CDC123: variants seen among roughly 807,000 people sequenced by gnomAD.
CDC123 encodes the protein translation initiation factor eIF2 assembly protein.
Under a neutral mutation model 54.4 loss-of-function variants are expected in CDC123, and 37 were observed. That is an observed-to-expected ratio of 0.68 (90% confidence interval 0.52 to 0.89). The LOEUF (loss-of-function observed/expected upper bound fraction) is 0.89, where lower values mean the gene tolerates loss of function less well. Ranked by LOEUF, CDC123 falls within the 40% of genes least tolerant of loss-of-function variation. The pLI is 0.00. For synonymous variants in CDC123, 144 were observed against 136.8 expected (o/e 1.05, Z -0.37); for missense variants, 361 against 412.1 (o/e 0.88, Z 1.07).
chr10:12,248,699 G>C (rs113821372), intron 11 of CDC123, among the ~76,000 whole-genome samples: 2,680 of 152,144 alleles, frequency 0.018, 33 homozygotes, highest in Admixed American at 0.025. Flanking sequence ...CCAGCCACTC[G>C]GGAGGCTGAG....
At chr10:12,249,914 C>G in intron 12 of CDC123, 196 bp downstream of exon 12, 1 of 707,614 alleles carries the variant, frequency 1.4e-6, no homozygotes. Context: ...ATTAGAATGA[C>G]AGAAAATGTT....
At chr10:12,216,281 A>G (rs1440542616) in intron 5 of CDC123, among the ~76,000 whole-genome samples, 1 of 152,226 alleles carries the variant, frequency 6.6e-6, no homozygotes, top group Non-Finnish European at 1.5e-5. Flanking sequence ...CAAGATTTTT[A>G]TAAAAGTTAA....
At chr10:12,221,857 A>C (rs541020755) in intron 6 of CDC123, among the ~76,000 whole-genome samples, 1 of 151,978 alleles carries the variant, frequency 6.6e-6, no homozygotes, top group African/African-American at 2.4e-5. Flanking sequence ...ATGTGGCCCA[A>C]GACAATTCTT....
chr10:12,233,706 A>G (rs1195008155), intron 7 of CDC123, among the ~76,000 whole-genome samples: 1 of 152,076 alleles, frequency 6.6e-6, no homozygotes, highest in Non-Finnish European at 1.5e-5. Flanking sequence ...GTATTTTTTT[A>G]AAAAGCAGAT....
intron 2 of CDC123, among the ~76,000 whole-genome samples, chr10:12,202,624 G>A (rs911047946): frequency 1.3e-5 from 2 of 152,208 alleles, no homozygotes; most frequent in South Asian, 2.1e-4. Context: ...CTGACCAGGC[G>A]GCTAGAAATG....
At chr10:12,202,051 T>C (rs1564432152) in intron 2 of CDC123, among the ~76,000 whole-genome samples, 1 of 152,216 alleles carries the variant, frequency 6.6e-6, no homozygotes, top group African/African-American at 2.4e-5. Context: ...CACAATCTGT[T>C]GAGAATTTTG....
In CDC123 at chr10:12,241,227, A is replaced by G. The variant is rs995499864; in HGVS notation, c.717+2742A>G. Among the ~76,000 whole-genome samples, 8 of 152,072 alleles carry G rather than the reference A, an allele frequency of 5.3e-5. No individual in the cohort carries two copies. In the South Asian group the frequency reaches 8.3e-4, roughly 16 times the overall value. ...GGTCGTTTCTGTGAACCATTGCTTC[A>G]TGTCTTTTTCACTTTTTTCTATTGT... On this transcript the variant is annotated intron_variant, in intron 10 of 12. Transcript: ENST00000281141.
At chr10:12,206,734 G>A (rs145011109) in intron 2 of CDC123, among the ~76,000 whole-genome samples, 37 of 152,170 alleles carry the variant, frequency 2.4e-4, no homozygotes, top group African/African-American at 5.5e-4. Context: ...CAAGGAGGGC[G>A]GATCACAAGG....
Position 12,247,335 on chromosome 10 carries a change from C to T in CDC123, c.846+1058C>T, listed in dbSNP as rs533493889. On this transcript the variant is annotated intron_variant, in intron 11 of 12. Transcript: ENST00000281141. The stretch of plus-strand genomic sequence containing the variant: ...CACCTCCCCCTCAGGACACTGTGTC[C>T]TCCTCTCTCACCTCCCCCTAAGGAC... The T allele has an allele frequency of 2.4e-5, 2 of 84,320 alleles. 1 individual carries two copies. Among genetic ancestry groups the T allele is most frequent in the African/African-American group, 7.8e-5 (2 of 25,522 alleles). The allele number at this position is 84,320 out of a possible 1,614,324, so 5.2% of individuals were successfully genotyped here. A position where few individuals can be genotyped will look rare whatever the true frequency, so the allele number is the denominator to read the frequency against.
chr10:12,223,660 A>C (rs1835766412), intron 6 of CDC123, among the ~76,000 whole-genome samples: 1 of 152,204 alleles, frequency 6.6e-6, no homozygotes, highest in Non-Finnish European at 1.5e-5. Context: ...AAATATACCT[A>C]TTTATAGTAA....
At chr10:12,214,634 G>T (rs920494609) in intron 4 of CDC123, among the ~76,000 whole-genome samples, 3 of 152,208 alleles carry the variant, frequency 2.0e-5, no homozygotes, top group African/African-American at 7.2e-5. Context: ...TCTTGTTTTG[G>T]GGGATATATG....
Position 12,210,340 on chromosome 10 carries a change from T to A in CDC123, c.237+18T>A. 2.5e-6 allele frequency: 4 copies of A among 1,614,072 alleles called. No homozygotes were observed. Among genetic ancestry groups the A allele is most frequent in the Non-Finnish European group, 3.4e-6 (4 of 1,179,976 alleles). On this transcript the variant is annotated intron_variant, in intron 4 of 12. Coordinates refer to ENST00000281141, the MANE Select transcript of CDC123 (RefSeq NM_006023.3). The stretch of plus-strand genomic sequence containing the variant: ...CGCTTACGGTAAGAGCACAGCAGAC[T>A]CAGCGTGGGGACAGCCTCACACTGT...
intron 6 of CDC123, among the ~76,000 whole-genome samples, chr10:12,225,926 G>A (rs1017183861): frequency 4.0e-5 from 6 of 151,842 alleles, no homozygotes; most frequent in Admixed American, 1.3e-4. Flanking sequence ...CAGTGTTTGT[G>A]TCCCTGGGTA....
intron 10 of CDC123, among the ~76,000 whole-genome samples, chr10:12,239,957 G>A (rs1029954957): frequency 1.2e-4 from 18 of 148,114 alleles, no homozygotes; most frequent in Admixed American, 7.4e-4. Context: ...GCAGTGAGCC[G>A]AGATCGCGCC....
At chr10:12,225,558 C>T (rs1050736555) in intron 6 of CDC123, among the ~76,000 whole-genome samples, 18 of 152,078 alleles carry the variant, frequency 1.2e-4, no homozygotes, top group East Asian at 1.9e-4. Context: ...TGAGGTTCAG[C>T]GTGCAGTAAG....
chr10:12,218,268 G>T (rs1564436264), intron 6 of CDC123, among the ~76,000 whole-genome samples: 2 of 135,238 alleles, frequency 1.5e-5, no homozygotes, highest in Admixed American at 7.7e-5. Context: ...TTTTTTTGAG[G>T]CAGGGTCTCA....
At chr10:12,215,953 G>T in intron 5 of CDC123, 118 bp downstream of exon 5, 1 of 579,530 alleles carries the variant, frequency 1.7e-6, no homozygotes, top group South Asian at 3.0e-5. Flanking sequence ...AAATACTGTG[G>T]AATTTATTAT....
At chr10:12,239,736 C>T (rs1397674634) in intron 10 of CDC123, among the ~76,000 whole-genome samples, 3 of 147,866 alleles carry the variant, frequency 2.0e-5, no homozygotes, top group East Asian at 4.0e-4. Context: ...GGGCCGGGCG[C>T]GGTGGCTCAC....
chr10:12,197,277 A>G (rs1248330382), intron 1 of CDC123, among the ~76,000 whole-genome samples: 1 of 152,236 alleles, frequency 6.6e-6, no homozygotes, highest in African/African-American at 2.4e-5. Flanking sequence ...AAAATTTTAA[A>G]GAGACTTTTA....
Sources: allele counts gnomAD v4.1 joint callset (sites outside exome capture counted in the v4.1 genomes callset), GRCh38; gene constraint gnomAD v4.1.1; transcripts MANE v1.5; gene names NCBI Gene and HGNC (gene_info 2026-07-23, HGNC 2026-07-21).